Variants in ANO7 observed in about 807,000 individuals in gnomAD.
ANO7 encodes anoctamin 7.
A neutral mutation model predicts 115.8 loss-of-function variants in ANO7; 114 were observed. The ratio of observed to expected loss-of-function variants is 0.98; its 90% CI spans 0.85 to 1.15. The LOEUF is 1.15. Among genes scored for constraint, ANO7 ranks in the 50% most tolerant of loss-of-function variants. The probability of loss-of-function intolerance (pLI) is 0.00; values close to 1 mark genes in which losing one functional copy is unlikely to be tolerated. For synonymous variants in ANO7, 550 were observed against 498.2 expected (o/e 1.10, Z -1.38); for missense variants, 1,302 against 1,201.2 (o/e 1.08, Z -1.24).
the ANO7 span, among the ~76,000 whole-genome samples, chr2:241,235,895 G>A: frequency 2.0e-5 from 3 of 152,134 alleles, no homozygotes; most frequent in Non-Finnish European, 4.4e-5. Flanking sequence ...ACATCCTCGG[G>A]GTCATGACGG....
At chr2:241,202,072 A>G in intron 7 of ANO7, 122 bp from the exon 8 acceptor site, 1 of 740,848 alleles carries the variant, frequency 1.3e-6, no homozygotes, top group East Asian at 2.7e-5. Context: ...TCAGATCGCT[A>G]TTGTCACCAG....
chr2:241,216,088 C>A lies in ANO7; in HGVS notation c.1827-5C>A, dbSNP rs771537420. 2 of 1,601,448 alleles carry A rather than the reference C, an allele frequency of 1.2e-6. No homozygotes were observed. Among genetic ancestry groups the A allele is most frequent in the East Asian group, 4.5e-5 (2 of 44,800 alleles). ...AAGGCCATTTTCCTGTATTCCCGTC[C>A]CCAGGAAGCTAAAGGGCTGGTGGCA... On this transcript the variant is annotated splice_region_variant and splice_polypyrimidine_tract_variant and intron_variant, in intron 18 of 24. Coordinates refer to ENST00000674324, the MANE Select transcript of ANO7 (RefSeq NM_001370694.2).
Position 241,202,286 on chromosome 2 carries a change from C to G in ANO7, c.705C>G (p.Ala235=). 6.2e-7 allele frequency: 1 copy of G among 1,613,168 alleles called. No individual in the cohort carries two copies. Among genetic ancestry groups the G allele is most frequent in the Non-Finnish European group, 8.5e-7 (1 of 1,179,926 alleles). ...HQLLAEGVLS[A]AFPLHDGPFK... ...TGCTGGCAGAGGGTGTCCTCAGTGC[C>G]GCCTTCCCCCTGCATGACGTGAGCT... Residue 235 remains alanine, a synonymous_variant, in exon 8 of 25, where the codon GCC becomes GCG. Coordinates refer to ENST00000674324, the MANE Select transcript of ANO7 (RefSeq NM_001370694.2).
rs767452798 is a variant in ANO7 at position 241,218,307 on chromosome 2, C to T, written c.2247C>T (p.Asp749=). 8.5e-6 allele frequency: 13 copies of T among 1,534,072 alleles called. No individual in the cohort carries two copies. The South Asian group carries it at 1.1e-4, about 13-fold the overall frequency. ...ACTACCGGTGGACCCGCGCCCACGA[C>T]CTGCGCGGCTTCCTCAACTTCACGC... ...RAYYRWTRAH[D]LRGFLNFTLA... is the part of the protein sequence containing the mutation. Residue 749 remains aspartate, a synonymous_variant, in exon 21 of 25, where the codon GAC becomes GAT. Coordinates refer to ENST00000674324, the MANE Select transcript of ANO7 (RefSeq NM_001370694.2).
At chr2:241,230,680 T>C (rs1193230740), downstream of ANO7, 2 of 1,249,222 alleles carry the variant, frequency 1.6e-6, no homozygotes, top group African/African-American at 1.5e-5. The surrounding 1 kb of genome is among the most constrained non-coding windows in gnomAD (Gnocchi z 5.0). Flanking sequence ...GGGAAGGCCA[T>C]GCCCTGCTCT....
intron 4 of ANO7, among the ~76,000 whole-genome samples, chr2:241,196,655 G>A (rs1043168796): frequency 6.6e-6 from 1 of 152,338 alleles, no homozygotes; most frequent in East Asian, 1.9e-4. Context: ...ATCTCATGCG[G>A]GGTCATTCCT....
At chr2:241,213,147 G>A (rs1033455987) in intron 17 of ANO7, among the ~76,000 whole-genome samples, 7 of 151,304 alleles carry the variant, frequency 4.6e-5, no homozygotes, top group African/African-American at 1.7e-4. Flanking sequence ...CACACGGCCC[G>A]CAGGGGCTGG....
chr2:241,196,092 G>T, intron 4 of ANO7: 1 of 1,404,366 alleles, frequency 7.1e-7, no homozygotes. Context: ...AGCCCTCAGG[G>T]TCACCTGAAA....
chr2:241,223,351 G>A lies in ANO7; in HGVS notation c.2412+75G>A, dbSNP rs557429528. ...CCTGTGCTTTGCCTAATTCGAGCAC[G>A]TGGTGAGGGGTCGGTGCCGTCACTT... On this transcript the variant is annotated intron_variant, in intron 22 of 24. Transcript: ENST00000674324. 4.1e-4 allele frequency: 612 copies of A among 1,500,482 alleles called. 13 individuals carry two copies. The South Asian group carries it at 5.9e-3, about 14-fold the overall frequency. 92.9% of individuals were successfully genotyped at this position (1,500,482 alleles called of 1,614,324 possible). A position where few individuals can be genotyped will look rare whatever the true frequency, so the allele number is the denominator to read the frequency against.
At chr2:241,229,213 T>C (rs2069424728), downstream of ANO7, 1 of 215,374 alleles carries the variant, frequency 4.6e-6, no homozygotes, top group Non-Finnish European at 9.5e-6. Flanking sequence ...GGGCAAACGT[T>C]TGGCTTTTAT....
At chr2:241,201,174 C>A in intron 6 of ANO7, 124 bp from the exon 7 acceptor site, 2 of 1,140,314 alleles carry the variant, frequency 1.8e-6, no homozygotes, top group Non-Finnish European at 2.4e-6. Flanking sequence ...TCTGCGTGCG[C>A]GCCAGCACCC....
In ANO7 at chr2:241,223,231, C is replaced by T; in HGVS notation, c.2367C>T (p.Tyr789=). Residue 789 remains tyrosine (Y), a synonymous_variant, in exon 22 of 25, where the codon TAC becomes TAT. Transcript: ENST00000674324. ...ACGATGGACATTATTCCCAGACCTACTGGAATCTTCTTGCCATCCGCCTGG... is the reference window on the plus strand; with the variant it reads ...ACGATGGACATTATTCCCAGACCTATTGGAATCTTCTTGCCATCCGCCTGG... The part of the protein sequence containing the change: ...RDDDGHYSQT[Y]WNLLAIRLAF... 6.2e-7 allele frequency: 1 copy of T among 1,614,250 alleles called. No homozygotes were observed.
At chr2:241,234,978 C>T in the ANO7 span, 1 of 933,438 alleles carries the variant, frequency 1.1e-6, no homozygotes, top group Non-Finnish European at 1.6e-6. Context: ...TGGATGCTGA[C>T]TGCGTCCTGG....
chr2:241,217,793 G>A lies in ANO7; in HGVS notation c.2080G>A (p.Val694Ile), dbSNP rs1398371851. 1.2e-6 allele frequency: 2 copies of A among 1,610,428 alleles called. No homozygotes were observed. The highest frequency in any genetic ancestry group is 2.2e-5 in the South Asian group (2 of 90,666). The change falls in exon 20 of 25, where the codon GTC becomes ATC. Residue 694 changes from valine (V) to isoleucine (I), a missense_variant. Transcript: ENST00000674324. ...GATCCGCTTGGACGCGCGCAAGTTC[G>A]TCTGCGAGTACCGGCGCCCGGTGGC... Reference protein sequence around the residue: ...VEIRLDARKFVCEYRRPVAER... With the variant: ...VEIRLDARKFICEYRRPVAER...
chr2:241,192,443 C>G (rs560027656), intron 3 of ANO7, among the ~76,000 whole-genome samples: 1 of 152,326 alleles, frequency 6.6e-6, no homozygotes, highest in South Asian at 2.1e-4. Flanking sequence ...TTAGAGGCCT[C>G]TCTTTTGGCT....
At chr2:241,208,974 C>T (rs532819445) in intron 11 of ANO7, among the ~76,000 whole-genome samples, 72 of 152,230 alleles carry the variant, frequency 4.7e-4, no homozygotes, top group South Asian at 1.9e-3. Context: ...ACGGTGAAAC[C>T]TCGTCTCTAC....
chr2:241,221,842 T>A (rs1023777703), intron 21 of ANO7, among the ~76,000 whole-genome samples: 2 of 151,824 alleles, frequency 1.3e-5, no homozygotes, highest in Non-Finnish European at 2.9e-5. Context: ...CATGCCCAGC[T>A]ACTCTTTTAT....
In ANO7 at chr2:241,223,226, A is replaced by G; in HGVS notation, c.2362A>G (p.Thr788Ala). Residue 788 changes from threonine to alanine, a missense_variant, in exon 22 of 25, where the codon ACC becomes GCC. Transcript: ENST00000674324. ...FRDDDGHYSQ[T>A]YWNLLAIRLA... ...GGATGACGATGGACATTATTCCCAG[A>G]CCTACTGGAATCTTCTTGCCATCCG... 6.2e-7 allele frequency: 1 copy of G among 1,614,188 alleles called. No individual in the cohort carries two copies. Among genetic ancestry groups the G allele is most frequent in the Non-Finnish European group, 8.5e-7 (1 of 1,180,032 alleles).
chr2:241,195,597 A>G lies in ANO7; in HGVS notation c.167-106A>G. On this transcript the variant is annotated intron_variant, in intron 3 of 24. Coordinates refer to ENST00000674324, the MANE Select transcript of ANO7 (RefSeq NM_001370694.2). ...GGAAGGAACCGGCCCTGAGTGTCCA[A>G]GTGCATGGCTCCCCACTGCGTCCCG... 15 of 1,112,464 alleles carry G rather than the reference A, an allele frequency of 1.3e-5. 1 individual carries two copies. The highest frequency in any genetic ancestry group is 2.0e-5 in the Non-Finnish European group (15 of 769,172). The allele number at this position is 1,112,464 out of a possible 1,614,324, so 68.9% of individuals were successfully genotyped here.
Sources: gnomAD v4.1 joint callset for allele counts (sites outside exome capture counted in the v4.1 genomes callset) on GRCh38, gnomAD v4.1.1 for gene constraint, Gnocchi (gnomAD v3.1) non-coding constraint, MANE v1.5 for transcripts, NCBI Gene and HGNC (gene_info 2026-07-23, HGNC 2026-07-21) for gene names.